The following USO1 variants were observed in gnomAD, a reference collection of about 807,000 sequenced individuals.
USO1 encodes the protein USO1 vesicle transport factor.
In USO1, 57 loss-of-function variants were observed where a neutral mutation model predicts 124.5. The observed-to-expected ratio is 0.46, with a 90% confidence interval of 0.37 to 0.57. USO1 has a LOEUF of 0.57. Among genes scored for constraint, USO1 ranks in the 20% least tolerant of loss-of-function variants. USO1 has a pLI of 0.00. For missense variants in USO1, 900 were observed against 1,040.6 expected (o/e 0.86, Z 1.86); for synonymous variants, 369 against 362.8 (o/e 1.02, Z -0.19).
At chr4:75,787,742 T>C (rs1368228560) in intron 10 of USO1, among the ~76,000 whole-genome samples, 1 of 152,208 alleles carries the variant, frequency 6.6e-6, no homozygotes, top group Non-Finnish European at 1.5e-5. Context: ...TTGTCCTTAC[T>C]GTAAGTCCCA....
rs550316081 is a variant in USO1, at chr4:75,737,138, A to G, written c.66+12253A>G. ...AATGTAGTGGGAAAGCACTCAAACT[A>G]CTTGGCTGAATGCTATCTCACTACT... On this transcript the variant is annotated intron_variant, in intron 1 of 23. Coordinates refer to ENST00000514213, the MANE Select transcript of USO1 (RefSeq NM_003715.4). Among the ~76,000 whole-genome samples the G allele has an allele frequency of 2.6e-3, 391 of 152,304 alleles. 1 individual carries two copies. The highest frequency in any genetic ancestry group is 4.8e-3 in the Non-Finnish European group (327 of 68,030).
At chr4:75,806,631 A>G in intron 20 of USO1, 59 bp downstream of exon 20, 1 of 1,520,320 alleles carries the variant, frequency 6.6e-7, no homozygotes, top group Non-Finnish European at 8.8e-7. Flanking sequence ...ATAGAATAAC[A>G]GCCCTATAGT....
intron 4 of USO1, chr4:75,760,514 T>A: frequency 5.1e-6 from 2 of 392,210 alleles, no homozygotes; most frequent in Non-Finnish European, 9.0e-6. Context: ...AGCTCCTATT[T>A]TACGTGTATA....
chr4:75,802,736 C>CTTTTTTTTTTTTTTTTTTTTTTT (rs997798305), intron 17 of USO1, among the ~76,000 whole-genome samples: 10 of 63,738 alleles, frequency 1.6e-4, no homozygotes, highest in African/African-American at 4.6e-4. Flanking sequence ...TTTTTCTTTT[C>CTTTTTTTTTTTTTTTTTTTTTTT]TTTTTTTTTT....
chr4:75,760,480 T>A, intron 4 of USO1: 1 of 377,446 alleles, frequency 2.6e-6, no homozygotes, highest in Non-Finnish European at 4.7e-6. Flanking sequence ...TCCAAAGGAT[T>A]ATGTAGCTTA....
At chr4:75,765,042 A>G (rs1721729175) in intron 4 of USO1, among the ~76,000 whole-genome samples, 1 of 152,196 alleles carries the variant, frequency 6.6e-6, no homozygotes, top group African/African-American at 2.4e-5. Flanking sequence ...CACCACTGAG[A>G]TAAAAAATAA....
intron 1 of USO1, chr4:75,725,111 C>G (rs1183449675): frequency 6.9e-6 from 4 of 583,248 alleles, no homozygotes; most frequent in Non-Finnish European, 1.2e-5. Flanking sequence ...GCGGCCGCGC[C>G]CCGCAGCTCT....
intron 1 of USO1, among the ~76,000 whole-genome samples, chr4:75,749,371 T>G (rs775548509): frequency 1.5e-4 from 23 of 152,142 alleles, no homozygotes; most frequent in Non-Finnish European, 2.8e-4. Context: ...TACAGAATCT[T>G]TAAAGAATAT....
intron 22 of USO1, among the ~76,000 whole-genome samples, chr4:75,810,741 TG>T (rs1381101428): frequency 2.0e-5 from 3 of 152,196 alleles, no homozygotes; most frequent in Non-Finnish European, 4.4e-5. Flanking sequence ...TGTTTTGTTT[TG>T]TTTTTTTGAG....
At chr4:75,812,517 T>C (rs1276449993) in intron 23 of USO1, 142 bp downstream of exon 23, 1 of 1,039,660 alleles carries the variant, frequency 9.6e-7, no homozygotes, top group East Asian at 2.6e-5. Flanking sequence ...CCATCTATAC[T>C]GTTTTCACTG....
rs1490753677 is a variant in USO1, at chr4:75,812,454, G to A, written c.2799+79G>A. Reference sequence around the variant, plus strand: ...TTTAAAAGATTTTTAATGTAACATGGAAAAGTTGTGCCTGTATTATAGGAA... The same window carrying A: ...TTTAAAAGATTTTTAATGTAACATGAAAAAGTTGTGCCTGTATTATAGGAA... On this transcript the variant is annotated intron_variant, in intron 23 of 23. Transcript: ENST00000514213. 3 of 1,492,350 alleles carry A rather than the reference G, an allele frequency of 2.0e-6. No individual in the cohort carries two copies. The African/African-American group carries it at 4.3e-5, about 21-fold the overall frequency. 92.4% of individuals were successfully genotyped at this position (1,492,350 alleles called of 1,614,324 possible). A position where few individuals can be genotyped will look rare whatever the true frequency, so the allele number is the denominator to read the frequency against.
intron 20 of USO1, 55 bp downstream of exon 20, chr4:75,806,627 T>C (rs1024932669): frequency 6.5e-7 from 1 of 1,533,330 alleles, no homozygotes; most frequent in Non-Finnish European, 8.8e-7. Flanking sequence ...TATAATAGAA[T>C]AACAGCCCTA....
chr4:75,795,133 C>G (rs1722641901), intron 13 of USO1, among the ~76,000 whole-genome samples: 1 of 152,160 alleles, frequency 6.6e-6, no homozygotes, highest in Non-Finnish European at 1.5e-5. Context: ...TAAAATTATC[C>G]TTTATCTTCT....
rs201767645 is a variant in USO1 at position 75,764,351 on chromosome 4, ATTCCCC to A, written c.296-6086_296-6081del. Among the ~76,000 whole-genome samples, 58 of 152,322 alleles carry A rather than the reference ATTCCCC, an allele frequency of 3.8e-4. No homozygotes were observed. In the East Asian group the frequency reaches 0.01, roughly 26 times the overall value. ...ATAGTTAAATAAACATAAATACTAT[ATTCCCC>A]TCTGAAGCTTCATAAAATTTACACT... On this transcript the variant is annotated intron_variant, in intron 4 of 23. Transcript: ENST00000514213.
At chr4:75,793,656 A>G in intron 12 of USO1, 34 bp from the exon 13 acceptor site, 3 of 1,560,328 alleles carry the variant, frequency 1.9e-6, no homozygotes, top group Non-Finnish European at 2.6e-6. Context: ...TCAAAATCTA[A>G]TATATTTTTA....
At chr4:75,800,930 G>A in intron 16 of USO1, 131 bp downstream of exon 16, 2 of 1,419,846 alleles carry the variant, frequency 1.4e-6, no homozygotes, top group Non-Finnish European at 1.9e-6. Context: ...TTGATCTGTA[G>A]CCCATTGAAG....
At chr4:75,803,370 G>C (rs545947240) in intron 17 of USO1, among the ~76,000 whole-genome samples, 52 of 151,868 alleles carry the variant, frequency 3.4e-4, no homozygotes, top group African/African-American at 1.2e-3. Flanking sequence ...AATTCTGGCC[G>C]GGCACGGTGG....
rs957380884 is a variant in USO1 at position 75,770,443 on chromosome 4, A to G, written c.300A>G (p.Glu100=). 2.6e-6 allele frequency: 4 copies of G among 1,551,216 alleles called. No homozygotes were observed. In the African/African-American group the frequency reaches 5.5e-5, roughly 21 times the overall value. ...CTTTATTTTTGAATATTACAGAAGA[A>G]AATTCCACAAGACAGAGTGAAGATT... ...ISNEEEEEVE[E]NSTRQSEDLG... Residue 100 remains glutamate, a synonymous_variant, in exon 5 of 24, where the codon GAA becomes GAG. Transcript: ENST00000514213.
Position 75,800,479 on chromosome 4 carries a change from G to A in USO1, c.1682+10G>A, listed in dbSNP as rs1020277764. 4 of 1,572,926 alleles carry A rather than the reference G, an allele frequency of 2.5e-6. No individual in the cohort carries two copies. In the Admixed American group the frequency reaches 5.8e-5, roughly 23 times the overall value. On this transcript the variant is annotated intron_variant, in intron 15 of 23. Transcript: ENST00000514213. The stretch of plus-strand genomic sequence containing the variant: ...TTGAGAGCTACATGAAGTAAGTAAG[G>A]GGAAGATGGTTTTCTAATGGCATCA...
Sources: gnomAD v4.1 joint callset for allele counts (sites outside exome capture counted in the v4.1 genomes callset) on GRCh38, gnomAD v4.1.1 for gene constraint, MANE v1.5 for transcripts, NCBI Gene and HGNC (gene_info 2026-07-23, HGNC 2026-07-21) for gene names.